USP15: variants seen among roughly 807,000 people sequenced by gnomAD.
USP15 encodes the protein ubiquitin specific peptidase 15, also known as ubiquitin carboxyl-terminal hydrolase 15.
Under a neutral mutation model 127.1 loss-of-function variants are expected in USP15, and 18 were observed. The observed-to-expected ratio is 0.14, with a 90% confidence interval of 0.10 to 0.21. The LOEUF is 0.21. Among genes scored for constraint, USP15 ranks in the 10% least tolerant of loss-of-function variants. The pLI, the probability that USP15 is intolerant of heterozygous loss-of-function variation, is 1.00. For synonymous variants in USP15, 364 were observed against 393.7 expected, an observed-to-expected ratio of 0.92 and a Z score of 0.89; for missense variants, 805 against 1,159.9, an observed-to-expected ratio of 0.69 and a Z score of 4.44.
At chr12:62,313,921 C>T (rs527355729) in intron 3 of USP15, 3 of 337,348 alleles carry the variant, frequency 8.9e-6, no homozygotes, top group Middle Eastern at 1.5e-3. Context: ...TATATCCCAA[C>T]GGTCATTTGG....
intron 8 of USP15, among the ~76,000 whole-genome samples, chr12:62,357,040 T>G (rs2066152786): frequency 6.6e-6 from 1 of 152,094 alleles, no homozygotes; most frequent in Admixed American, 6.6e-5. Context: ...ATGCTTGATA[T>G]CAGCTAGAGT....
At chr12:62,356,804 T>C (rs934948522) in intron 8 of USP15, among the ~76,000 whole-genome samples, 1 of 152,166 alleles carries the variant, frequency 6.6e-6, no homozygotes, top group African/African-American at 2.4e-5. Flanking sequence ...CCAAAATGTA[T>C]TATTATCCTA....
Position 62,365,455 on chromosome 12 carries a change from C to G in USP15, c.915+9980C>G, listed in dbSNP as rs899908080. ...TCTTTGTAGATTCTGGATATTAGCCCTTTGTCAGATGGATAGATTGCAAAA... is the reference window on the plus strand; with the variant it reads ...TCTTTGTAGATTCTGGATATTAGCCGTTTGTCAGATGGATAGATTGCAAAA... On this transcript the variant is annotated intron_variant, in intron 8 of 21. Transcript: ENST00000280377. Among the ~76,000 whole-genome samples the G allele has an allele frequency of 4.3e-4, 65 of 152,150 alleles. 1 individual carries two copies. The highest frequency in any genetic ancestry group is 1.5e-3 in the African/African-American group (63 of 41,504).
At chr12:62,272,477 A>G (rs994155732) in intron 1 of USP15, among the ~76,000 whole-genome samples, 5 of 152,036 alleles carry the variant, frequency 3.3e-5, no homozygotes, top group African/African-American at 1.2e-4. Context: ...AAACTGCTTT[A>G]CTACCTCTCT....
intron 3 of USP15, chr12:62,305,005 A>AT (rs1235041845): frequency 4.8e-6 from 1 of 207,142 alleles, no homozygotes; most frequent in Admixed American, 5.5e-5. Context: ...TCAATAGAAA[A>AT]TATAGAGTCT....
At chr12:62,360,745 A>G (rs1401881442) in intron 8 of USP15, among the ~76,000 whole-genome samples, 1 of 152,066 alleles carries the variant, frequency 6.6e-6, no homozygotes, top group African/African-American at 2.4e-5. Context: ...TTAGGATCTT[A>G]TATTTGTTCT....
chr12:62,350,509 A>G (rs1480605549), intron 7 of USP15, among the ~76,000 whole-genome samples: 1 of 152,218 alleles, frequency 6.6e-6, no homozygotes, highest in Non-Finnish European at 1.5e-5. Flanking sequence ...AATGGAAAAA[A>G]GAACTTGTTA....
intron 11 of USP15, among the ~76,000 whole-genome samples, chr12:62,388,923 T>C (rs140167499): frequency 2.6e-4 from 40 of 152,138 alleles, no homozygotes; most frequent in African/African-American, 9.6e-4. Flanking sequence ...GAATCCAGGA[T>C]TTTGAGACCA....
intron 1 of USP15, among the ~76,000 whole-genome samples, chr12:62,266,079 T>C (rs2063185266): frequency 6.6e-6 from 1 of 152,200 alleles, no homozygotes; most frequent in Admixed American, 6.5e-5. Flanking sequence ...AATAATTGAA[T>C]GTACAGAGCA....
intron 8 of USP15, among the ~76,000 whole-genome samples, chr12:62,358,006 G>A (rs1258169956): frequency 3.3e-5 from 5 of 151,978 alleles, no homozygotes; most frequent in African/African-American, 1.2e-4. Flanking sequence ...TAACTTCTTT[G>A]AAATTGAAGA....
intron 3 of USP15, chr12:62,304,801 A>G (rs945064696): frequency 9.7e-6 from 4 of 410,894 alleles, no homozygotes; most frequent in Admixed American, 5.4e-5. Context: ...TTGAGTTAGT[A>G]GATTTTAGAA....
At chr12:62,293,426 G>A (rs548196563) in intron 1 of USP15, among the ~76,000 whole-genome samples, 5 of 152,038 alleles carry the variant, frequency 3.3e-5, no homozygotes, top group African/African-American at 9.7e-5. Context: ...GTGCGATCCC[G>A]GCTCACTGCA....
intron 19 of USP15, among the ~76,000 whole-genome samples, chr12:62,394,260 A>T (rs553798030): frequency 4.9e-4 from 74 of 152,332 alleles, no homozygotes; most frequent in Middle Eastern, 3.4e-3. Flanking sequence ...CCCATTTTGC[A>T]AAAAGAACTT....
intron 8 of USP15, among the ~76,000 whole-genome samples, chr12:62,361,054 A>G (rs569489875): frequency 6.6e-6 from 1 of 152,068 alleles, no homozygotes; most frequent in Non-Finnish European, 1.5e-5. Flanking sequence ...CCTTTGGACT[A>G]GAATAGCCCT....
chr12:62,319,874 T>C (rs2064934929), intron 4 of USP15, among the ~76,000 whole-genome samples: 1 of 152,206 alleles, frequency 6.6e-6, no homozygotes, highest in Non-Finnish European at 1.5e-5. Context: ...AAAAATTATT[T>C]CTGCCCTCAG....
At chr12:62,327,707 G>T (rs1565858399) in intron 6 of USP15, 4 of 428,954 alleles carry the variant, frequency 9.3e-6, no homozygotes, top group South Asian at 5.1e-5. Flanking sequence ...ACTTGGCTTT[G>T]TGTGAAAGAA....
At chr12:62,335,021 A>C (rs1263400475) in intron 6 of USP15, 3 of 700,342 alleles carry the variant, frequency 4.3e-6, no homozygotes, top group African/African-American at 3.6e-5. Context: ...ACTTCAGCTA[A>C]ATGGAAGTCT....
intron 2 of USP15, 88 bp from the exon 3 acceptor site, chr12:62,302,702 A>G (rs972439287): frequency 1.1e-5 from 15 of 1,397,894 alleles, no homozygotes; most frequent in Middle Eastern, 4.2e-4. Context: ...TGTTTTAAAT[A>G]CTTAAATTAG....
chr12:62,396,748 G>A (rs2067503459), intron 20 of USP15, among the ~76,000 whole-genome samples: 1 of 152,102 alleles, frequency 6.6e-6, no homozygotes, highest in Non-Finnish European at 1.5e-5. Flanking sequence ...GTACTGTGCT[G>A]TAGATATCAC....
Sources: allele counts gnomAD v4.1 joint callset (sites outside exome capture counted in the v4.1 genomes callset), GRCh38; gene constraint gnomAD v4.1.1; transcripts MANE v1.5; gene names NCBI Gene and HGNC (gene_info 2026-07-23, HGNC 2026-07-21).